The following CNTNAP2 variants were observed in gnomAD, a reference collection of about 807,000 sequenced individuals.
The protein encoded by CNTNAP2 is contactin-associated protein-like 2.
Under a neutral mutation model 155.2 loss-of-function variants are expected in CNTNAP2, and 98 were observed. The observed-to-expected ratio is 0.63, with a 90% confidence interval of 0.54 to 0.75. The LOEUF is 0.75. CNTNAP2 is among the 30% of genes least tolerant of loss of function. CNTNAP2 has a pLI of 0.00. For missense variants in CNTNAP2, 1,727 were observed against 1,688.1 expected (o/e 1.02, Z -0.40); for synonymous variants, 651 against 631.2 (o/e 1.03, Z -0.47).
At chr7:146,665,795 A>AAAAAAAAAAAAAC (rs1408266319) in intron 1 of CNTNAP2, among the ~76,000 whole-genome samples, 2 of 148,374 alleles carry the variant, frequency 1.3e-5, no homozygotes, top group Non-Finnish European at 3.0e-5. Flanking sequence ...AAAAAAAAAA[A>AAAAAAAAAAAAAC]AAATACATTT....
intron 13 of CNTNAP2, among the ~76,000 whole-genome samples, chr7:147,800,892 G>C (rs1280926873): frequency 6.6e-6 from 1 of 152,178 alleles, no homozygotes; most frequent in East Asian, 1.9e-4. Flanking sequence ...ATTCAGTACA[G>C]TAACATACTG....
chr7:146,648,081 G>T (rs1563171388), intron 1 of CNTNAP2, among the ~76,000 whole-genome samples: 2 of 152,076 alleles, frequency 1.3e-5, no homozygotes, highest in Non-Finnish European at 2.9e-5. Flanking sequence ...TGAAAATGAG[G>T]CTTCCGTATC....
intron 19 of CNTNAP2, among the ~76,000 whole-genome samples, chr7:148,226,803 A>C (rs146430299): frequency 6.6e-6 from 1 of 152,206 alleles, no homozygotes; most frequent in African/African-American, 2.4e-5. Flanking sequence ...ATAAAACCCC[A>C]AATCAAGGGC....
chr7:147,361,343 G>T (rs1796144863), intron 9 of CNTNAP2, among the ~76,000 whole-genome samples: 1 of 152,118 alleles, frequency 6.6e-6, no homozygotes, highest in African/African-American at 2.4e-5. Flanking sequence ...ATAATATAAT[G>T]TTAGGTTATT....
intron 1 of CNTNAP2, among the ~76,000 whole-genome samples, chr7:146,608,617 A>G (rs1467291057): frequency 1.3e-5 from 2 of 152,196 alleles, no homozygotes; most frequent in Non-Finnish European, 2.9e-5. Context: ...ACCATTCAAA[A>G]TAATTGATGT....
chr7:147,753,307 C>T (rs11766799), intron 13 of CNTNAP2, among the ~76,000 whole-genome samples: 97,395 of 152,000 alleles, frequency 0.64, 34,019 homozygotes, highest in East Asian at 0.92. Context: ...CTATGCACAG[C>T]GCCTAATTCC....
intron 15 of CNTNAP2, among the ~76,000 whole-genome samples, chr7:148,051,125 A>G (rs1475185387): frequency 6.6e-6 from 1 of 152,176 alleles, no homozygotes; most frequent in Non-Finnish European, 1.5e-5. Flanking sequence ...TTTTGCCTAT[A>G]CACTATAAGT....
chr7:147,768,862 T>C (rs568997642), intron 13 of CNTNAP2, among the ~76,000 whole-genome samples: 39 of 116,916 alleles, frequency 3.3e-4, no homozygotes, highest in Non-Finnish European at 5.7e-4. Context: ...CTCTTAAAAT[T>C]AGCAAATAGC....
intron 21 of CNTNAP2, among the ~76,000 whole-genome samples, chr7:148,312,280 G>A (rs1797609213): frequency 1.3e-5 from 2 of 152,188 alleles, no homozygotes. Flanking sequence ...TTTGTAGAAG[G>A]GATTGGGGTT....
chr7:147,791,449 CTCTCT>C (rs1449344719), intron 13 of CNTNAP2, among the ~76,000 whole-genome samples: 1 of 134,454 alleles, frequency 7.4e-6, no homozygotes, highest in Non-Finnish European at 1.5e-5. Flanking sequence ...CTGTCTCTCT[CTCTCT>C]TTTTTTTTTT....
At chr7:147,614,762 A>T (rs6464832) in intron 12 of CNTNAP2, among the ~76,000 whole-genome samples, 103,751 of 151,578 alleles carry the variant, frequency 0.68, 35,938 homozygotes, top group African/African-American at 0.78. Context: ...TTCTATTATA[A>T]TGAAGTTCTT....
rs1464727740 is a variant in CNTNAP2 at position 148,409,995 on chromosome 7, G to A, written c.3796+524G>A. Among the ~76,000 whole-genome samples, 87 of 68,224 alleles carry A rather than the reference G, an allele frequency of 1.3e-3. 31 individuals carry two copies. The highest frequency in any genetic ancestry group is 6.9e-3 in the African/African-American group (86 of 12,434). The allele number at this position is 68,224 out of a possible 152,430, so 44.8% of individuals were successfully genotyped here. On this transcript the variant is annotated intron_variant, in intron 23 of 23. Transcript: ENST00000361727. Reference sequence around the variant, plus strand: ...GAACCTGGGAGGCGGAGCTTGCAGTGAGCCAAGATTGTGCCACTGCAATCC... The same window carrying A: ...GAACCTGGGAGGCGGAGCTTGCAGTAAGCCAAGATTGTGCCACTGCAATCC...
chr7:147,492,648 C>T (rs2141388), intron 11 of CNTNAP2, among the ~76,000 whole-genome samples: 43,557 of 151,934 alleles, frequency 0.29, 6,370 homozygotes, highest in East Asian at 0.43. Context: ...AACTTACTTC[C>T]CCATCAGTTG....
chr7:147,784,184 G>C (rs1407085351), intron 13 of CNTNAP2, among the ~76,000 whole-genome samples: 1 of 151,572 alleles, frequency 6.6e-6, no homozygotes, highest in Non-Finnish European at 1.5e-5. Context: ...TGAAGGGCTC[G>C]TCCTAACTAC....
intron 18 of CNTNAP2, among the ~76,000 whole-genome samples, chr7:148,188,615 G>A (rs1795158544): frequency 6.6e-6 from 1 of 152,172 alleles, no homozygotes; most frequent in Non-Finnish European, 1.5e-5. Flanking sequence ...CTAAGATCCA[G>A]AATCCAAGCT....
intron 1 of CNTNAP2, among the ~76,000 whole-genome samples, chr7:146,621,364 T>C (rs1474952598): frequency 6.6e-6 from 1 of 152,232 alleles, no homozygotes; most frequent in African/African-American, 2.4e-5. Context: ...CTAATGTTCA[T>C]TGAGATTTTC....
At chr7:148,239,176 A>G (rs917295385) in intron 20 of CNTNAP2, among the ~76,000 whole-genome samples, 5 of 152,236 alleles carry the variant, frequency 3.3e-5, no homozygotes, top group African/African-American at 1.2e-4. Flanking sequence ...TGCAAGAATA[A>G]TGATGAGCCA....
chr7:148,160,807 C>T (rs116346063), intron 17 of CNTNAP2, among the ~76,000 whole-genome samples: 3,312 of 152,184 alleles, frequency 0.022, 114 homozygotes, highest in African/African-American at 0.075. Context: ...TTCATGAGTG[C>T]CTTCCATTTG....
At chr7:146,751,915 G>A (rs928367503) in intron 1 of CNTNAP2, among the ~76,000 whole-genome samples, 1 of 152,054 alleles carries the variant, frequency 6.6e-6, no homozygotes, top group African/African-American at 2.4e-5. Flanking sequence ...TGAGAATGAC[G>A]GCTTCCAGCT....
Sources: gnomAD v4.1 joint callset for allele counts (sites outside exome capture counted in the v4.1 genomes callset) on GRCh38, gnomAD v4.1.1 for gene constraint, MANE v1.5 for transcripts, NCBI Gene and HGNC (gene_info 2026-07-23, HGNC 2026-07-21) for gene names.